The following CHD7 variants were observed in gnomAD, a reference collection of about 807,000 sequenced individuals.
The protein encoded by CHD7 is chromodomain helicase DNA binding protein 7, also known as ATP-dependent chromatin remodeler CHD7.
CHD7 carries 24 observed loss-of-function variants against 307.3 expected under a neutral mutation model. That is an observed-to-expected ratio of 0.08 (90% CI 0.06 to 0.11). CHD7 has a LOEUF of 0.11. Among genes scored for constraint, CHD7 ranks in the 10% least tolerant of loss-of-function variants. The pLI is 1.00. For synonymous variants in CHD7, 1,363 were observed against 1,349.9 expected, an observed-to-expected ratio of 1.01 and a Z score of -0.21; for missense variants, 3,106 against 3,727.1, an observed-to-expected ratio of 0.83 and a Z score of 4.34.
intron 7 of CHD7, among the ~76,000 whole-genome samples, chr8:60,813,814 A>T (rs1812919509): frequency 6.6e-6 from 1 of 151,280 alleles, no homozygotes; most frequent in Non-Finnish European, 1.5e-5. Flanking sequence ...ACTTATATTT[A>T]CTTATAACTA....
intron 3 of CHD7, among the ~76,000 whole-genome samples, chr8:60,784,644 C>T (rs772095458): frequency 6.6e-6 from 1 of 152,180 alleles, no homozygotes. Context: ...CTGTCTGGCA[C>T]CCCATCTTGT....
rs1017497111 is a variant in CHD7 at position 60,704,210 on chromosome 8, CA to C, written c.-175+25134del. On this transcript the variant is annotated intron_variant, in intron 1 of 37. Transcript: ENST00000423902. ...ATTTATCGTTTTGTGTTTATTAATC[CA>C]AAAAAGTATTCATGTATATCTGTGG... Among the ~76,000 whole-genome samples, 12 of 151,854 alleles carry C rather than the reference CA, an allele frequency of 7.9e-5. No homozygotes were observed. The South Asian group carries it at 1.0e-3, about 13-fold the overall frequency.
intron 12 of CHD7, 65 bp downstream of exon 12, chr8:60,822,811 C>G: frequency 7.1e-7 from 1 of 1,407,832 alleles, no homozygotes. Flanking sequence ...AAAAAAAAAT[C>G]AAAGTCTTGG....
At chr8:60,833,823 T>G (rs1259149296) in intron 15 of CHD7, among the ~76,000 whole-genome samples, 1 of 152,202 alleles carries the variant, frequency 6.6e-6, no homozygotes, top group East Asian at 1.9e-4. Flanking sequence ...ATCTTGAAAA[T>G]TTAGCTGTGA....
chr8:60,761,029 A>G lies in CHD7; in HGVS notation c.1665+17932A>G, dbSNP rs556860838. ...AGGACTATAAATCATGCTGCTATAA[A>G]GACACATGCACACGTATGTTTACTG... On this transcript the variant is annotated intron_variant, in intron 2 of 37. Coordinates refer to ENST00000423902, the MANE Select transcript of CHD7 (RefSeq NM_017780.4). Among the ~76,000 whole-genome samples, 6 of 152,266 alleles carry G rather than the reference A, an allele frequency of 3.9e-5. No homozygotes were observed. The East Asian group carries it at 1.2e-3, about 29-fold the overall frequency.
intron 2 of CHD7, among the ~76,000 whole-genome samples, chr8:60,755,794 C>T (rs1163734071): frequency 6.6e-6 from 1 of 152,136 alleles, no homozygotes; most frequent in Non-Finnish European, 1.5e-5. Flanking sequence ...GGAAAGAAAA[C>T]CCTTTTAAAT....
intron 1 of CHD7, among the ~76,000 whole-genome samples, chr8:60,716,861 G>A (rs1586206790): frequency 6.6e-6 from 1 of 152,156 alleles, no homozygotes; most frequent in African/African-American, 2.4e-5. Flanking sequence ...AATGTCTTCG[G>A]TTCTCTGTAG....
intron 1 of CHD7, among the ~76,000 whole-genome samples, chr8:60,724,914 G>A (rs1808093310): frequency 6.6e-6 from 1 of 152,230 alleles, no homozygotes; most frequent in Non-Finnish European, 1.5e-5. Flanking sequence ...ATTGAGGGCA[G>A]ATAAGCTTTG....
intron 1 of CHD7, among the ~76,000 whole-genome samples, chr8:60,689,829 G>A (rs1193523353): frequency 1.3e-5 from 2 of 152,174 alleles, no homozygotes; most frequent in African/African-American, 4.8e-5. Flanking sequence ...AGTCCAAGAC[G>A]TAGCCGACAT....
At chr8:60,768,899 T>A (rs1810589395) in intron 2 of CHD7, among the ~76,000 whole-genome samples, 1 of 152,210 alleles carries the variant, frequency 6.6e-6, no homozygotes, top group South Asian at 2.1e-4. Flanking sequence ...AAACACCCCA[T>A]CTTATGTGAC....
chr8:60,727,448 A>G (rs1808225918), intron 1 of CHD7, among the ~76,000 whole-genome samples: 1 of 152,220 alleles, frequency 6.6e-6, no homozygotes, highest in African/African-American at 2.4e-5. Flanking sequence ...TACTCTTAAC[A>G]GAGTTAATAA....
At chr8:60,724,603 A>G (rs1808077623) in intron 1 of CHD7, among the ~76,000 whole-genome samples, 1 of 152,124 alleles carries the variant, frequency 6.6e-6, no homozygotes, top group African/African-American at 2.4e-5. Flanking sequence ...AGAGTGTTTG[A>G]GCCAGATCTA....
At chr8:60,793,744 C>G (rs576380879) in intron 3 of CHD7, among the ~76,000 whole-genome samples, 4 of 152,152 alleles carry the variant, frequency 2.6e-5, no homozygotes, top group African/African-American at 9.6e-5. Context: ...ATTTGAGGCT[C>G]CCTAGAAATA....
intron 1 of CHD7, among the ~76,000 whole-genome samples, chr8:60,718,100 A>G (rs1407154240): frequency 1.3e-5 from 2 of 152,176 alleles, no homozygotes; most frequent in Admixed American, 6.5e-5. Context: ...GTGGCACAGA[A>G]TGTGGAGATG....
In CHD7 at chr8:60,681,900, AT is replaced by A. The variant is rs1260464902; in HGVS notation, c.-175+2822del. ...GTTTTCAGATAAGAAATGAATTATA[AT>A]TTTAAAAGACTGGTATATGAATTTT... On this transcript the variant is annotated intron_variant, in intron 1 of 37. Transcript: ENST00000423902. Among the ~76,000 whole-genome samples, 4 of 152,306 alleles carry A rather than the reference AT, an allele frequency of 2.6e-5. No individual in the cohort carries two copies. In the East Asian group the frequency reaches 7.7e-4, roughly 29 times the overall value.
intron 4 of CHD7, among the ~76,000 whole-genome samples, chr8:60,797,058 A>G (rs1215133476): frequency 1.3e-5 from 2 of 152,222 alleles, no homozygotes; most frequent in Non-Finnish European, 2.9e-5. Flanking sequence ...GTGTCAATTC[A>G]AAAGTTTTGA....
At chr8:60,817,178 T>C (rs910740467) in intron 8 of CHD7, among the ~76,000 whole-genome samples, 1 of 152,224 alleles carries the variant, frequency 6.6e-6, no homozygotes, top group Admixed American at 6.5e-5. Flanking sequence ...GATCGCCAAT[T>C]TGGTTTCACT....
At chr8:60,812,815 C>T (rs1319165644) in intron 7 of CHD7, among the ~76,000 whole-genome samples, 1 of 151,526 alleles carries the variant, frequency 6.6e-6, no homozygotes, top group Non-Finnish European at 1.5e-5. Context: ...ATTTATAAGC[C>T]AGTACCACAC....
rs758378293 is a variant in CHD7, at chr8:60,856,473, G to A, written c.7193G>A (p.Arg2398His). 2.0e-5 allele frequency: 32 copies of A among 1,612,992 alleles called. No individual in the cohort carries two copies. The highest frequency in any genetic ancestry group is 8.0e-5 in the African/African-American group (6 of 74,878). Residue 2398 changes from arginine to histidine, a missense_variant, in exon 34 of 38, where the codon CGC (arginine) becomes CAC (histidine). Arg to His is a conservative substitution (Grantham distance 29, BLOSUM62 0). This residue lies in a region of CHD7 where 1,030 missense variants were observed against 1,165.4 expected (regional missense o/e 0.88). Transcript: ENST00000423902. ...KEDALNLSVPRQRRRRRRKIE... is the reference protein window; with the variant it reads ...KEDALNLSVPHQRRRRRRKIE... ...GATGCCCTCAACCTCTCTGTCCCTC[G>A]CCAGCGGAGGAGGAGGAGGAGAAAA...
Sources: gnomAD v4.1 joint callset for allele counts (sites outside exome capture counted in the v4.1 genomes callset) on GRCh38, gnomAD v4.1.1 for gene constraint, gnomAD v4.1.1 regional missense constraint, MANE v1.5 for transcripts, NCBI Gene and HGNC (gene_info 2026-07-23, HGNC 2026-07-21) for gene names.